Variants in RBFOX1 observed in about 807,000 individuals in gnomAD.
The protein encoded by RBFOX1 is RNA binding fox-1 homolog 1.
In RBFOX1, 8 loss-of-function variants were observed where a neutral mutation model predicts 57.7. The ratio of observed to expected loss-of-function variants is 0.14; its 90% CI spans 0.08 to 0.25. RBFOX1 has a LOEUF of 0.25. Ranked by LOEUF, RBFOX1 falls within the 10% of genes least tolerant of loss-of-function variation. RBFOX1 has a pLI of 1.00. For synonymous variants in RBFOX1, 326 were observed against 222.4 expected, an observed-to-expected ratio of 1.47 and a Z score of -4.15; for missense variants, 611 against 548.5, an observed-to-expected ratio of 1.11 and a Z score of -1.14.
At chr16:5,599,370 G>C in exon 3 of RBFOX1, 1 of 600,100 alleles carries the variant, frequency 1.7e-6, no homozygotes, top group South Asian at 2.0e-5. Context: ...CTTACTGAGT[G>C]CTCTGGGGTC....
At chr16:6,354,646 C>G (rs1376405812) in intron 2 of RBFOX1, among the ~76,000 whole-genome samples, 1 of 152,144 alleles carries the variant, frequency 6.6e-6, no homozygotes, top group African/African-American at 2.4e-5. Flanking sequence ...GTCTTTCATT[C>G]CCTTGAAAGT....
At chr16:6,211,426 C>CT (rs1200201591) in intron 1 of RBFOX1, among the ~76,000 whole-genome samples, 1 of 151,970 alleles carries the variant, frequency 6.6e-6, no homozygotes, top group Non-Finnish European at 1.5e-5. Flanking sequence ...GACAGGGTTT[C>CT]TTCGTGTTAG....
chr16:5,551,938 G>C lies in RBFOX1; in HGVS notation c.259-46964G>C, dbSNP rs1436415323. On this transcript the variant is annotated intron_variant, in intron 2 of 2. Coordinates refer to the RBFOX1 transcript ENST00000585867. Reference sequence around the variant, plus strand: ...AGTTTGCTGAGAATGATGGTTTCCAGCTTCATCCGTGTCCCTGCAAAGGAC... The same window carrying C: ...AGTTTGCTGAGAATGATGGTTTCCACCTTCATCCGTGTCCCTGCAAAGGAC... Among the ~76,000 whole-genome samples the C allele has an allele frequency of 2.0e-5, 3 of 152,196 alleles. No individual in the cohort carries two copies. The East Asian group carries it at 5.8e-4, about 29-fold the overall frequency.
At chr16:6,624,833 A>AC (rs1368542099) in intron 2 of RBFOX1, among the ~76,000 whole-genome samples, 2 of 151,992 alleles carry the variant, frequency 1.3e-5, no homozygotes, top group Non-Finnish European at 2.9e-5. Context: ...ACCATGTATA[A>AC]CCCCCCATGT....
intron 3 of RBFOX1, among the ~76,000 whole-genome samples, chr16:5,721,390 T>G (rs1390883799): frequency 1.3e-5 from 2 of 152,176 alleles, no homozygotes; most frequent in African/African-American, 4.8e-5. Context: ...CTTTTCTGTG[T>G]TCAAGATCTT....
chr16:5,419,771 G>T (rs1476733715), intron 1 of RBFOX1, among the ~76,000 whole-genome samples: 1 of 151,976 alleles, frequency 6.6e-6, no homozygotes, highest in African/African-American at 2.4e-5. Flanking sequence ...GCCAGCAGAA[G>T]GAGAAGTTGG....
At chr16:6,817,616 G>C (rs946424930) in intron 3 of RBFOX1, among the ~76,000 whole-genome samples, 1 of 151,082 alleles carries the variant, frequency 6.6e-6, no homozygotes. Flanking sequence ...TGAGGCAAGA[G>C]AATCACTTGA....
intron 1 of RBFOX1, among the ~76,000 whole-genome samples, chr16:6,171,302 C>A (rs540245551): frequency 4.6e-5 from 7 of 152,246 alleles, no homozygotes; most frequent in Admixed American, 4.6e-4. Flanking sequence ...GTTTTGTAGT[C>A]CAGCCGCACC....
chr16:5,756,676 T>A (rs977021668), intron 3 of RBFOX1, among the ~76,000 whole-genome samples: 2 of 152,168 alleles, frequency 1.3e-5, no homozygotes, highest in African/African-American at 4.8e-5. Context: ...GATAACTAAT[T>A]TCCTCAATTT....
At position 6,197,167 on chromosome 16, in the gene RBFOX1, T is replaced by C. The variant is rs575554946; in HGVS notation, c.-126-119828T>C. ...CATGCATGTCACCAGAGGCTGTGGA[T>C]ACTATGCATACGTCTTATTTCTTCT... is the stretch of plus-strand genomic sequence containing the variant. On this transcript the variant is annotated intron_variant, in intron 1 of 15. Transcript: ENST00000550418. 6.6e-5 allele frequency among the ~76,000 whole-genome samples: 10 copies of C among 152,300 alleles called. No homozygotes were observed. The South Asian group carries it at 2.1e-3, about 32-fold the overall frequency.
At chr16:7,236,936 C>T (rs757911081) in intron 4 of RBFOX1, among the ~76,000 whole-genome samples, 7 of 152,076 alleles carry the variant, frequency 4.6e-5, no homozygotes, top group African/African-American at 1.7e-4. Flanking sequence ...GATCTGCCTG[C>T]CTCTGTGTTG....
chr16:5,696,872 C>G (rs1305343923), intron 3 of RBFOX1, among the ~76,000 whole-genome samples: 3 of 151,758 alleles, frequency 2.0e-5, no homozygotes, highest in Non-Finnish European at 2.9e-5. Flanking sequence ...TTCTCTGTTT[C>G]TTTCTGTACA....
At chr16:5,478,195 A>G (rs893977150) in intron 2 of RBFOX1, among the ~76,000 whole-genome samples, 4 of 152,122 alleles carry the variant, frequency 2.6e-5, no homozygotes, top group African/African-American at 4.8e-5. Context: ...GAGCCTTGGC[A>G]TTCTTCTTCC....
chr16:6,830,178 A>C (rs2092603967), intron 3 of RBFOX1, among the ~76,000 whole-genome samples: 1 of 152,072 alleles, frequency 6.6e-6, no homozygotes, highest in South Asian at 2.1e-4. Flanking sequence ...AAGCCTCCCA[A>C]AGTGCTGGGA....
chr16:6,089,229 C>G (rs907577146), intron 1 of RBFOX1, among the ~76,000 whole-genome samples: 1 of 151,942 alleles, frequency 6.6e-6, no homozygotes, highest in Non-Finnish European at 1.5e-5. Flanking sequence ...GGAGGTAGAT[C>G]CCGATTAACT....
intron 1 of RBFOX1, among the ~76,000 whole-genome samples, chr16:5,376,095 G>T (rs1431017905): frequency 6.6e-6 from 1 of 151,898 alleles, no homozygotes; most frequent in African/African-American, 2.4e-5. Context: ...TTGAACCTGG[G>T]AGGCAGAGGT....
At chr16:5,904,211 G>T (rs753353160) in intron 4 of RBFOX1, among the ~76,000 whole-genome samples, 2 of 152,066 alleles carry the variant, frequency 1.3e-5, no homozygotes, top group African/African-American at 2.4e-5. Flanking sequence ...GCTCATCTCG[G>T]CAAGCCTTGA....
chr16:6,259,889 A>T (rs2097691371), intron 1 of RBFOX1, among the ~76,000 whole-genome samples: 2 of 150,074 alleles, frequency 1.3e-5, no homozygotes, highest in Admixed American at 1.3e-4. Flanking sequence ...TGAACCCGAG[A>T]GATGGAGGGT....
chr16:6,917,785 T>A (rs1359810597), intron 3 of RBFOX1, among the ~76,000 whole-genome samples: 1 of 152,140 alleles, frequency 6.6e-6, no homozygotes, highest in Admixed American at 6.5e-5. Flanking sequence ...CCTCTGTGGA[T>A]CTCAGTAGCA....
Sources: gnomAD v4.1 joint callset for allele counts (sites outside exome capture counted in the v4.1 genomes callset) on GRCh38, gnomAD v4.1.1 for gene constraint, MANE v1.5 for transcripts, NCBI Gene and HGNC (gene_info 2026-07-23, HGNC 2026-07-21) for gene names.